The following HUNK variants were observed in gnomAD, a reference collection of about 807,000 sequenced individuals.
The protein encoded by HUNK is hormonally up-regulated neu tumor-associated kinase.
In HUNK, 21 loss-of-function variants were observed where a neutral mutation model predicts 61.0. The observed-to-expected ratio is 0.34, with a 90% CI of 0.24 to 0.50. HUNK has a LOEUF of 0.50. Ranked by LOEUF, HUNK falls within the 20% of genes least tolerant of loss-of-function variation. The pLI is 0.98. For synonymous variants in HUNK, 371 were observed against 386.1 expected (o/e 0.96, Z 0.46); for missense variants, 772 against 945.7 (o/e 0.82, Z 2.41).
intron 4 of HUNK, among the ~76,000 whole-genome samples, chr21:31,952,926 C>G (rs192666281): frequency 1.3e-5 from 2 of 152,184 alleles, no homozygotes; most frequent in East Asian, 3.9e-4. Context: ...GTCTTTGATT[C>G]TTGGGAATCC....
At position 31,958,957 on chromosome 21, in the gene HUNK, T is replaced by TAATGCAC; in HGVS notation, c.861_862insAATGCAC (p.Gln288AsnfsTer36). 1 of 1,605,858 alleles carries TAATGCAC rather than the reference T, an allele frequency of 6.2e-7. No individual in the cohort carries two copies. Among genetic ancestry groups the TAATGCAC allele is most frequent in the Non-Finnish European group, 8.5e-7 (1 of 1,176,908 alleles). ...ACAAAGAAATGAACCCCCTCCCCAC[T>TAATGCAC]CAGCTCTCCACAGGTAATGCACCAG... On this transcript the variant is annotated frameshift_variant, in exon 5 of 11. Transcript: ENST00000270112. LOFTEE classifies it high-confidence loss of function.
At chr21:31,928,318 A>G (rs2052674955) in intron 2 of HUNK, among the ~76,000 whole-genome samples, 1 of 152,226 alleles carries the variant, frequency 6.6e-6, no homozygotes, top group Non-Finnish European at 1.5e-5. Context: ...ACCAAGTGGA[A>G]GCTGTGCCTT....
At chr21:31,943,597 A>C (rs964198658) in intron 3 of HUNK, among the ~76,000 whole-genome samples, 2 of 152,200 alleles carry the variant, frequency 1.3e-5, no homozygotes, top group Non-Finnish European at 2.9e-5. Context: ...GATCAACATA[A>C]GTTGCTTAAC....
intron 8 of HUNK, among the ~76,000 whole-genome samples, chr21:31,984,237 A>G (rs1291163127): frequency 6.6e-6 from 1 of 152,196 alleles, no homozygotes; most frequent in Admixed American, 6.5e-5. Context: ...AGAATTTTGA[A>G]TGTTCCCAAT....
chr21:31,951,678 C>A (rs942060402), intron 4 of HUNK, among the ~76,000 whole-genome samples: 3 of 152,214 alleles, frequency 2.0e-5, no homozygotes, highest in African/African-American at 7.2e-5. Flanking sequence ...GTCTCCAGTG[C>A]TGTACCTGTG....
intron 5 of HUNK, among the ~76,000 whole-genome samples, chr21:31,959,514 C>A (rs756779822): frequency 3.3e-5 from 5 of 152,182 alleles, no homozygotes; most frequent in Non-Finnish European, 5.9e-5. Context: ...TTGAAAAGTT[C>A]TCTCAAGCTT....
At chr21:31,878,724 G>C (rs1390216619) in intron 1 of HUNK, among the ~76,000 whole-genome samples, 2 of 152,210 alleles carry the variant, frequency 1.3e-5, no homozygotes, top group Non-Finnish European at 2.9e-5. Flanking sequence ...ATTGTGTTTT[G>C]TAAAAAATTG....
At chr21:31,954,154 A>G (rs1457187904) in intron 4 of HUNK, among the ~76,000 whole-genome samples, 1 of 152,170 alleles carries the variant, frequency 6.6e-6, no homozygotes, top group Admixed American at 6.5e-5. Flanking sequence ...ATGGTCTCCA[A>G]ACCCCTTTAG....
intron 9 of HUNK, among the ~76,000 whole-genome samples, chr21:31,993,772 C>T (rs1220842857): frequency 6.6e-6 from 1 of 152,104 alleles, no homozygotes; most frequent in Non-Finnish European, 1.5e-5. Flanking sequence ...AGTGATTGTC[C>T]TTTGCTGGCT....
intron 4 of HUNK, 96 bp downstream of exon 4, chr21:31,946,267 G>A: frequency 8.1e-7 from 1 of 1,238,004 alleles, no homozygotes; most frequent in Non-Finnish European, 1.1e-6. Context: ...GGCATGTATA[G>A]GTGACAGGCC....
At chr21:31,917,695 TACACACACACACACACAC>T (rs3056146) in intron 1 of HUNK, among the ~76,000 whole-genome samples, 1,890 of 94,938 alleles carry the variant, frequency 0.02, 58 homozygotes, top group African/African-American at 0.066. Flanking sequence ...TTCCCAAACA[TACACACACACACACACAC>T]ACACACACAC....
At chr21:31,956,780 C>G (rs1284551055) in intron 4 of HUNK, among the ~76,000 whole-genome samples, 1 of 152,092 alleles carries the variant, frequency 6.6e-6, no homozygotes, top group Non-Finnish European at 1.5e-5. Context: ...TCCTACTTTC[C>G]ATTCTGAGCC....
intron 1 of HUNK, among the ~76,000 whole-genome samples, chr21:31,878,879 C>CAATTTTTTG (rs1429141712): frequency 2.0e-5 from 3 of 152,152 alleles, no homozygotes; most frequent in Non-Finnish European, 4.4e-5. Context: ...GTGATTGAGT[C>CAATTTTTTG]TCACTGAGAT....
chr21:31,964,862 G>A (rs971519373), intron 5 of HUNK, among the ~76,000 whole-genome samples: 1 of 152,146 alleles, frequency 6.6e-6, no homozygotes, highest in African/African-American at 2.4e-5. Flanking sequence ...TTTGTCCTTA[G>A]CACTTCTGGT....
Position 31,873,380 on chromosome 21 carries a change from G to A in HUNK, c.-295G>A, listed in dbSNP as rs111796090. 19,364 of 152,106 alleles carry A rather than the reference G, an allele frequency of 0.13. 1,380 individuals carry two copies. The highest frequency in any genetic ancestry group is 0.2 in the Middle Eastern group (58 of 294). 9.4% of individuals were successfully genotyped at this position (152,106 alleles called of 1,614,324 possible). On this transcript the variant is annotated 5_prime_UTR_variant, in exon 1 of 11. Coordinates refer to ENST00000270112, the MANE Select transcript of HUNK (RefSeq NM_014586.2). The surrounding 1 kb of genome is among the most constrained non-coding windows in gnomAD (Gnocchi z 6.1). ...GGCGACTGTCATTAGCTTCCTGGAC[G>A]GGACCCGGGGCGGGATCCTGGTGTC...
intron 1 of HUNK, among the ~76,000 whole-genome samples, chr21:31,891,821 A>C (rs1009949538): frequency 1.3e-5 from 2 of 152,158 alleles, no homozygotes; most frequent in African/African-American, 4.8e-5. Context: ...TATTGCTTTT[A>C]TGCATAAGTA....
chr21:31,979,730 T>C (rs1007426586), intron 7 of HUNK, among the ~76,000 whole-genome samples: 1 of 151,792 alleles, frequency 6.6e-6, no homozygotes, highest in African/African-American at 2.4e-5. Context: ...TTAGCCAGGA[T>C]GGTCTCAATC....
chr21:31,980,885 G>T (rs992935139), intron 7 of HUNK, among the ~76,000 whole-genome samples: 10 of 152,086 alleles, frequency 6.6e-5, no homozygotes, highest in Non-Finnish European at 1.5e-4. Flanking sequence ...TGTATTTTTA[G>T]TAGAGATGGG....
chr21:31,952,878 C>T (rs576492906), intron 4 of HUNK, among the ~76,000 whole-genome samples: 1 of 152,220 alleles, frequency 6.6e-6, no homozygotes, highest in East Asian at 1.9e-4. Flanking sequence ...GTTGCCCTCT[C>T]TTGTCCCAGT....
Sources: allele counts gnomAD v4.1 joint callset (sites outside exome capture counted in the v4.1 genomes callset), GRCh38; gene constraint gnomAD v4.1.1; non-coding constraint Gnocchi (gnomAD v3.1); transcripts MANE v1.5; gene names NCBI Gene and HGNC (gene_info 2026-07-23, HGNC 2026-07-21).